The following ASPHD2 variants were observed in gnomAD, a reference collection of about 807,000 sequenced individuals.
The protein encoded by ASPHD2 is aspartate beta-hydroxylase domain-containing protein 2.
A neutral mutation model predicts 34.6 loss-of-function variants in ASPHD2; 12 were observed. The observed-to-expected ratio is 0.35, with a 90% CI of 0.22 to 0.56. The LOEUF is 0.56. Among genes scored for constraint, ASPHD2 ranks in the 20% least tolerant of loss-of-function variants. The pLI, the probability that ASPHD2 is intolerant of heterozygous loss-of-function variation, is 0.87. For missense variants in ASPHD2, 375 were observed against 505.0 expected (o/e 0.74, Z 2.47); for synonymous variants, 224 against 212.2 (o/e 1.06, Z -0.48).
At chr22:26,440,283 A>C (rs1232635584) in intron 2 of ASPHD2, among the ~76,000 whole-genome samples, 1 of 149,058 alleles carries the variant, frequency 6.7e-6, no homozygotes, top group Non-Finnish European at 1.5e-5. Flanking sequence ...GGCCGGTTGA[A>C]GCATACGGCT....
chr22:26,435,761 A>AAAAGAAAAG (rs1568983000), intron 2 of ASPHD2, among the ~76,000 whole-genome samples: 1 of 126,598 alleles, frequency 7.9e-6, no homozygotes, highest in Non-Finnish European at 1.7e-5. Context: ...AAAAGAAAAG[A>AAAAGAAAAG]AAAATATAAT....
At position 26,444,430 on chromosome 22, in the gene ASPHD2, C is replaced by T. The variant is rs1182456451; in HGVS notation, c.*1224C>T. On this transcript the variant is annotated 3_prime_UTR_variant, in exon 4 of 4. Coordinates refer to ENST00000215906, the MANE Select transcript of ASPHD2 (RefSeq NM_020437.5). ...GTGGCCGTTGTGCTGGTTTTCTGGT[C>T]TCCTGTGAAGAACATGTGGATCTCT... 1 of 152,166 alleles carries T rather than the reference C, an allele frequency of 6.6e-6. No homozygotes were observed. Among genetic ancestry groups the T allele is most frequent in the Non-Finnish European group, 1.5e-5 (1 of 68,032 alleles). The allele number at this position is 152,166 out of a possible 1,614,324, so 9.4% of individuals were successfully genotyped here. A position where few individuals can be genotyped will look rare whatever the true frequency, so the allele number is the denominator to read the frequency against.
chr22:26,434,263 A>T lies in ASPHD2; in HGVS notation c.648A>T (p.Gln216His), dbSNP rs2084777016. The T allele has an allele frequency of 6.2e-7, 1 of 1,614,098 alleles. No individual in the cohort carries two copies. ...YKAFSNCSLP[Q>H]GWKMNSTPSG... ...CTTTCTCAAACTGCAGCCTCCCGCA[A>T]GGATGGAAAATGAACAGCACCCCCA... The change falls in exon 2 of 4, where the codon CAA becomes CAT. Residue 216 changes from glutamine to histidine, a missense_variant. Around this residue, in one of 3 missense-constraint regions of ASPHD2, gnomAD observed 142 missense variants for 217.9 expected, o/e 0.65. Transcript: ENST00000215906.
Position 26,444,704 on chromosome 22 carries a change from G to A in ASPHD2, c.*1498G>A, listed in dbSNP as rs1003327027. On this transcript the variant is annotated 3_prime_UTR_variant, in exon 4 of 4. Coordinates refer to ENST00000215906, the MANE Select transcript of ASPHD2 (RefSeq NM_020437.5). ...CTTCTAAGAGGTACAACTGTTGGAA[G>A]AAAACACAGTTGAAATGCACCAGGC... The A allele has an allele frequency of 2.0e-5, 3 of 152,382 alleles. No homozygotes were observed. Among genetic ancestry groups the A allele is most frequent in the African/African-American group, 7.2e-5 (3 of 41,580 alleles). The allele number at this position is 152,382 out of a possible 1,614,324, so 9.4% of individuals were successfully genotyped here.
Position 26,433,741 on chromosome 22 carries a change from G to A in ASPHD2, c.126G>A (p.Leu42=), listed in dbSNP as rs2084772040. 1.2e-6 allele frequency: 2 copies of A among 1,613,718 alleles called. No individual in the cohort carries two copies. The highest frequency in any genetic ancestry group is 1.7e-6 in the Non-Finnish European group (2 of 1,180,022). The change falls in exon 2 of 4, where the codon CTG becomes CTA. Residue 42 remains leucine, a synonymous_variant. Transcript: ENST00000215906. This position sits in a 1 kb window ranked among gnomAD's most constrained non-coding sequence, Gnocchi z 5.1. ...LVAWSWSLDG[L]RDCIATGIQS... ...CCTGGAGCTGGTCGCTGGATGGCCT[G>A]AGGGACTGCATCGCCACCGGCATCC...
At chr22:26,434,819 T>C (rs1032323408) in intron 2 of ASPHD2, among the ~76,000 whole-genome samples, 4 of 152,236 alleles carry the variant, frequency 2.6e-5, no homozygotes, top group Non-Finnish European at 5.9e-5. Context: ...TTGAAACTTG[T>C]CTCCTGTAAC....
At chr22:26,439,536 A>G (rs1392131606) in intron 2 of ASPHD2, among the ~76,000 whole-genome samples, 2 of 152,254 alleles carry the variant, frequency 1.3e-5, no homozygotes, top group African/African-American at 4.8e-5. Context: ...AGGCTGACTC[A>G]GCAACACTAA....
At chr22:26,435,836 G>T (rs1243637793) in intron 2 of ASPHD2, among the ~76,000 whole-genome samples, 1 of 152,248 alleles carries the variant, frequency 6.6e-6, no homozygotes, top group Non-Finnish European at 1.5e-5. Context: ...GGAGGCTTTG[G>T]GGGAGGTGGC....
chr22:26,441,890 T>C (rs967487095), intron 2 of ASPHD2, among the ~76,000 whole-genome samples: 1 of 151,634 alleles, frequency 6.6e-6, no homozygotes, highest in Non-Finnish European at 1.5e-5. Flanking sequence ...GCCACTGCAC[T>C]CCAGCCTGGG....
rs750524718 is a variant in ASPHD2 at position 26,433,637 on chromosome 22, C to T, written c.22C>T (p.Pro8Ser). The T allele has an allele frequency of 6.2e-6, 10 of 1,613,812 alleles. No individual in the cohort carries two copies. Among genetic ancestry groups the T allele is most frequent in the Non-Finnish European group, 8.5e-6 (10 of 1,179,926 alleles). Residue 8 changes from proline to serine, a missense_variant, in exon 2 of 4, where the codon CCC (proline) becomes TCC (serine). Around this residue, in one of 3 missense-constraint regions of ASPHD2, gnomAD observed 223 missense variants for 257.8 expected, o/e 0.87. Coordinates refer to ENST00000215906, the MANE Select transcript of ASPHD2 (RefSeq NM_020437.5). This position sits in a 1 kb window ranked among gnomAD's most constrained non-coding sequence, Gnocchi z 5.1. ...CTGCATGGTGTGGGCGCCCTTGGGA[C>T]CCCCGAGGACTGATTGTCTGACCTT... MVWAPLG[P>S]PRTDCLTLLH...
In ASPHD2 at chr22:26,433,456, A is replaced by C; in HGVS notation, c.-160A>C. On this transcript the variant is annotated 5_prime_UTR_variant, in exon 2 of 4. Coordinates refer to ENST00000215906, the MANE Select transcript of ASPHD2 (RefSeq NM_020437.5). This position sits in a 1 kb window ranked among gnomAD's most constrained non-coding sequence, Gnocchi z 5.1. ...GGCACTTGATAATGTGACAAAAACC[A>C]GCCTCTTCCACCCCACTGCAGTGAC... The C allele has an allele frequency of 1.7e-6, 1 of 597,700 alleles. No homozygotes were observed. Among genetic ancestry groups the C allele is most frequent in the South Asian group, 2.2e-5 (1 of 44,858 alleles). 37.0% of individuals were successfully genotyped at this position (597,700 alleles called of 1,614,324 possible). A position where few individuals can be genotyped will look rare whatever the true frequency, so the allele number is the denominator to read the frequency against.
In ASPHD2 at chr22:26,429,828, CCAGCCCT is replaced by C. The variant is rs1357869571; in HGVS notation, c.-225+347_-225+353del. 6.6e-6 allele frequency among the ~76,000 whole-genome samples: 1 copy of C among 152,118 alleles called. No individual in the cohort carries two copies. Among genetic ancestry groups the C allele is most frequent in the African/African-American group, 2.4e-5 (1 of 41,414 alleles). On this transcript the variant is annotated intron_variant, in intron 1 of 3. Coordinates refer to ENST00000215906, the MANE Select transcript of ASPHD2 (RefSeq NM_020437.5). The surrounding 1 kb of genome is among the most constrained non-coding windows in gnomAD (Gnocchi z 4.5). ...CTTTCCTCACCTCCTGTCCCCTCCC[CCAGCCCT>C]CAGCATCACCCACTTCCCATATTTC...
intron 2 of ASPHD2, among the ~76,000 whole-genome samples, chr22:26,441,478 TAAAAAAAA>T (rs34554219): frequency 2.1e-5 from 2 of 95,622 alleles, no homozygotes; most frequent in African/African-American, 4.5e-5. Flanking sequence ...ACCTTGTATC[TAAAAAAAA>T]AAAAAAAAAA....
At chr22:26,440,164 T>A (rs75904744) in intron 2 of ASPHD2, among the ~76,000 whole-genome samples, 6,221 of 152,240 alleles carry the variant, frequency 0.041, 416 homozygotes, top group African/African-American at 0.14. Context: ...GGTGGCCCCT[T>A]CTTTTCTGGA....
At position 26,437,137 on chromosome 22, in the gene ASPHD2, C is replaced by T. The variant is rs141387730; in HGVS notation, c.886+2636C>T. 1.4e-3 allele frequency among the ~76,000 whole-genome samples: 207 copies of T among 152,274 alleles called. 1 individual carries two copies. Among genetic ancestry groups the T allele is most frequent in the African/African-American group, 4.7e-3 (194 of 41,548 alleles). On this transcript the variant is annotated intron_variant, in intron 2 of 3. Transcript: ENST00000215906. ...ACAAAGGTGTGTCGGATTTATGTGA[C>T]CTTGTGTGTTGACAGAGAGGGAGTC... is the stretch of plus-strand genomic sequence containing the variant.
Position 26,433,365 on chromosome 22 carries a change from T to G in ASPHD2, c.-224-27T>G. 1 of 496,208 alleles carries G rather than the reference T, an allele frequency of 2.0e-6. No individual in the cohort carries two copies. The highest frequency in any genetic ancestry group is 3.4e-5 in the East Asian group (1 of 29,190). The allele number at this position is 496,208 out of a possible 1,614,324, so 30.7% of individuals were successfully genotyped here. On this transcript the variant is annotated intron_variant, in intron 1 of 3. Transcript: ENST00000215906. The surrounding 1 kb of genome is among the most constrained non-coding windows in gnomAD (Gnocchi z 5.1). ...TGAGGACTTTTCCAGGTGTAAAATT[T>G]ATGCTGATTTTTTTTTTCCATCCCA...
rs1046453 is a variant in ASPHD2, at chr22:26,444,511, C to T, written c.*1305C>T. 18,918 of 152,242 alleles carry T rather than the reference C, an allele frequency of 0.12. 1,669 individuals are homozygous for T. The highest frequency in any genetic ancestry group is 0.37 in the South Asian group (1,785 of 4,830). 9.4% of individuals were successfully genotyped at this position (152,242 alleles called of 1,614,324 possible). ...TTGAGGCACTCACTCTAGAAATAGC[C>T]TGTGTTAGCTGATGTGTGAAAGCGT... On this transcript the variant is annotated 3_prime_UTR_variant, in exon 4 of 4. Transcript: ENST00000215906.
rs1476909928 is a variant in ASPHD2 at position 26,435,710 on chromosome 22, T to G, written c.886+1209T>G. Among the ~76,000 whole-genome samples the G allele has an allele frequency of 4.1e-5, 6 of 146,022 alleles. No homozygotes were observed. In the South Asian group the frequency reaches 6.8e-4, roughly 17 times the overall value. ...GTTTGGATGGAGGATATCACTGCACTAAAAGAAAAGAAAAGAAAAGAAAAG... is the reference window on the plus strand; with the variant it reads ...GTTTGGATGGAGGATATCACTGCACGAAAAGAAAAGAAAAGAAAAGAAAAG... On this transcript the variant is annotated intron_variant, in intron 2 of 3. Coordinates refer to ENST00000215906, the MANE Select transcript of ASPHD2 (RefSeq NM_020437.5).
intron 2 of ASPHD2, among the ~76,000 whole-genome samples, chr22:26,438,187 T>G (rs567220891): frequency 2.0e-5 from 3 of 152,262 alleles, no homozygotes; most frequent in Middle Eastern, 3.4e-3. Context: ...CCTAAAGGCC[T>G]TCGCCACCTG....
Sources: gnomAD v4.1 joint callset for allele counts (sites outside exome capture counted in the v4.1 genomes callset) on GRCh38, gnomAD v4.1.1 for gene constraint, gnomAD v4.1.1 regional missense constraint, Gnocchi (gnomAD v3.1) non-coding constraint, MANE v1.5 for transcripts, NCBI Gene and HGNC (gene_info 2026-07-23, HGNC 2026-07-21) for gene names.